The following SLC12A7 variants were observed in gnomAD, a reference collection of about 807,000 sequenced individuals.
The protein encoded by SLC12A7 is solute carrier family 12 member 7, also known as K-Cl cotransporter 4.
A neutral mutation model predicts 120.6 loss-of-function variants in SLC12A7; 100 were observed. That is an observed-to-expected ratio of 0.83 (90% CI 0.71 to 0.98). SLC12A7 has a LOEUF of 0.98. Ranked by LOEUF, SLC12A7 falls within the 50% of genes least tolerant of loss-of-function variation. SLC12A7 has a pLI of 0.00. For missense variants in SLC12A7, 1,373 were observed against 1,548.1 expected, an observed-to-expected ratio of 0.89 and a Z score of 1.90; for synonymous variants, 760 against 678.0, an observed-to-expected ratio of 1.12 and a Z score of -1.88.
At chr5:1,075,855 G>A in intron 14 of SLC12A7, 2 of 510,322 alleles carry the variant, frequency 3.9e-6, no homozygotes, top group South Asian at 6.9e-5. Flanking sequence ...GGGAAGGCTG[G>A]GCTGACCACG....
At chr5:1,064,352 C>A (rs923685769) in intron 18 of SLC12A7, 100 bp from the exon 19 acceptor site, 14 of 1,377,300 alleles carry the variant, frequency 1.0e-5, no homozygotes, top group Non-Finnish European at 1.3e-5. Context: ...CACGGCGAGG[C>A]GAGGGGGGTC....
chr5:1,151,791 G>A, the SLC12A7 span, among the ~76,000 whole-genome samples: 6 of 152,118 alleles, frequency 3.9e-5, no homozygotes, highest in Non-Finnish European at 7.3e-5. This position sits in a 1 kb window ranked among gnomAD's most constrained non-coding sequence, Gnocchi z 6.2. Flanking sequence ...CTCCCTGAAC[G>A]TCCTGTCCTC....
At chr5:1,079,749 A>ACCCCCACGC (rs1325615567) in intron 9 of SLC12A7, among the ~76,000 whole-genome samples, 7 of 152,006 alleles carry the variant, frequency 4.6e-5, no homozygotes, top group Middle Eastern at 3.4e-3. Context: ...CCCGTCACTG[A>ACCCCCACGC]CCCCCACGCC....
intron 1 of SLC12A7, among the ~76,000 whole-genome samples, chr5:1,095,021 GCGGTAGGAGGCGGGGGGC>G (rs1228859763): frequency 9.7e-5 from 12 of 123,906 alleles, no homozygotes; most frequent in East Asian, 2.4e-4. Context: ...GGAGGTGGGG[GCGGTAGGAGGCGGGGGGC>G]CGGTAGGAGG....
chr5:1,085,543 C>T (rs1480920614), intron 6 of SLC12A7, 70 bp from the exon 7 acceptor site: 2 of 1,493,968 alleles, frequency 1.3e-6, no homozygotes, highest in Non-Finnish European at 1.8e-6. Context: ...CTCCCGCAAG[C>T]CCCCAGCGCC....
At chr5:1,114,804 C>T (rs1326408698), upstream of SLC12A7, among the ~76,000 whole-genome samples, 1 of 152,122 alleles carries the variant, frequency 6.6e-6, no homozygotes, top group Non-Finnish European at 1.5e-5. Flanking sequence ...GGTAGCTCCT[C>T]CGTCCGCAGT....
chr5:1,067,496 C>A (rs1737182186), intron 17 of SLC12A7, among the ~76,000 whole-genome samples: 1 of 152,260 alleles, frequency 6.6e-6, no homozygotes, highest in South Asian at 2.1e-4. Flanking sequence ...TTCAGGTTCT[C>A]TGTTCTTGTG....
chr5:1,153,879 C>A, the SLC12A7 span, among the ~76,000 whole-genome samples: 1 of 152,086 alleles, frequency 6.6e-6, no homozygotes, highest in Non-Finnish European at 1.5e-5. Flanking sequence ...ACAGGGTCTT[C>A]CTTTAGGGAG....
chr5:1,117,799 C>T, the SLC12A7 span, among the ~76,000 whole-genome samples: 1 of 152,308 alleles, frequency 6.6e-6, no homozygotes, highest in African/African-American at 2.4e-5. The surrounding 1 kb of genome is among the most constrained non-coding windows in gnomAD (Gnocchi z 4.5). Context: ...CTGCCGGGCG[C>T]GGTAGCTCAC....
intron 20 of SLC12A7, among the ~76,000 whole-genome samples, chr5:1,061,741 G>A (rs1444187277): frequency 1.3e-5 from 2 of 152,008 alleles, no homozygotes; most frequent in Non-Finnish European, 2.9e-5. Flanking sequence ...CCTGAGGTCA[G>A]AAGTTCGAGA....
the SLC12A7 span, among the ~76,000 whole-genome samples, chr5:1,145,695 T>A: frequency 6.6e-6 from 1 of 152,010 alleles, no homozygotes; most frequent in African/African-American, 2.4e-5. The surrounding 1 kb of genome is among the most constrained non-coding windows in gnomAD (Gnocchi z 4.4). Context: ...CCTGCCTAGG[T>A]GTGAATTGAT....
chr5:1,148,637 C>T, the SLC12A7 span, among the ~76,000 whole-genome samples: 6 of 152,294 alleles, frequency 3.9e-5, no homozygotes, highest in African/African-American at 7.2e-5. Context: ...CAGCCTCAGT[C>T]GAGGAATGAG....
At chr5:1,076,866 G>C in intron 12 of SLC12A7, 54 bp from the exon 13 acceptor site, 1 of 1,248,062 alleles carries the variant, frequency 8.0e-7, no homozygotes, top group Non-Finnish European at 1.2e-6. Flanking sequence ...TTTTAGGAGA[G>C]AAGCTGCAGG....
chr5:1,154,829 G>A, the SLC12A7 span, among the ~76,000 whole-genome samples: 1 of 152,234 alleles, frequency 6.6e-6, no homozygotes, highest in African/African-American at 2.4e-5. Context: ...GTAACCGCAG[G>A]TCTTCAGAGC....
At chr5:1,073,849 C>T (rs760498460) in intron 16 of SLC12A7, 48 bp from the exon 17 acceptor site, 1 of 1,344,494 alleles carries the variant, frequency 7.4e-7, no homozygotes, top group Non-Finnish European at 9.6e-7. Flanking sequence ...CTTACCAGGG[C>T]ACGGCCCATC....
At chr5:1,063,248 A>C (rs1736502743) in intron 20 of SLC12A7, among the ~76,000 whole-genome samples, 1 of 152,212 alleles carries the variant, frequency 6.6e-6, no homozygotes, top group South Asian at 2.1e-4. Context: ...GCCTGGCCTC[A>C]CTGACCAGTG....
the SLC12A7 span, among the ~76,000 whole-genome samples, chr5:1,144,187 C>T: frequency 8.5e-5 from 13 of 152,266 alleles, no homozygotes; most frequent in African/African-American, 3.1e-4. Context: ...GACCTGGACG[C>T]ACCCGCCAAC....
In SLC12A7 at chr5:1,094,207, CATT is replaced by C; in HGVS notation, c.163_165del (p.Asn55del). 1.2e-6 allele frequency: 2 copies of C among 1,613,720 alleles called. No homozygotes were observed. The highest frequency in any genetic ancestry group is 1.7e-6 in the Non-Finnish European group (2 of 1,179,896). On this transcript the variant is annotated inframe_deletion, in exon 2 of 24. Transcript: ENST00000264930. ...AAGAAGCTCTCTTGTTCCACCTCGA[CATT>C]GTTGAGGAATGGGCTGTTTTCTCTT...
In SLC12A7 at chr5:1,087,138, G is replaced by A. The variant is rs1490592255; in HGVS notation, c.545-105C>T. The A allele has an allele frequency of 8.5e-6, 12 of 1,412,848 alleles. No homozygotes were observed. The Admixed American group carries it at 1.2e-4, about 14-fold the overall frequency. The allele number at this position is 1,412,848 out of a possible 1,614,324, so 87.5% of individuals were successfully genotyped here. A position where few individuals can be genotyped will look rare whatever the true frequency, so the allele number is the denominator to read the frequency against. On this transcript the variant is annotated intron_variant, in intron 5 of 23. Transcript: ENST00000264930. The stretch of plus-strand genomic sequence containing the variant: ...CGGGCAAAGGAGGGCCTGTCTCTGC[G>A]AAGGCAGCGTGTAGACCCTCGTCCA...
Sources: gnomAD v4.1 joint callset for allele counts (sites outside exome capture counted in the v4.1 genomes callset) on GRCh38, gnomAD v4.1.1 for gene constraint, Gnocchi (gnomAD v3.1) non-coding constraint, MANE v1.5 for transcripts, NCBI Gene and HGNC (gene_info 2026-07-23, HGNC 2026-07-21) for gene names.